Variants in EIF2B3 observed in about 807,000 individuals in gnomAD.
EIF2B3 encodes translation initiation factor eIF2B subunit gamma.
In EIF2B3, 20 loss-of-function variants were observed where a neutral mutation model predicts 54.1. The observed-to-expected ratio is 0.37, with a 90% CI of 0.26 to 0.54. The LOEUF (loss-of-function observed/expected upper bound fraction) is 0.54. Among genes scored for constraint, EIF2B3 ranks in the 20% least tolerant of loss-of-function variants. The pLI, the probability that EIF2B3 is intolerant of heterozygous loss-of-function variation, is 0.86. For synonymous variants in EIF2B3, 153 were observed against 188.1 expected, an observed-to-expected ratio of 0.81 and a Z score of 1.52; for missense variants, 448 against 547.8, an observed-to-expected ratio of 0.82 and a Z score of 1.82.
chr1:44,909,459 A>G (rs1296301770), intron 5 of EIF2B3, among the ~76,000 whole-genome samples: 3 of 152,178 alleles, frequency 2.0e-5, no homozygotes, highest in Non-Finnish European at 4.4e-5. Flanking sequence ...ATCCTAAACC[A>G]TCTATAAGGA....
At chr1:44,852,897 G>A (rs1279856269) in intron 11 of EIF2B3, among the ~76,000 whole-genome samples, 4 of 152,086 alleles carry the variant, frequency 2.6e-5, no homozygotes, top group Non-Finnish European at 5.9e-5. Context: ...AGAGGTTTTG[G>A]GTAATGACTA....
At chr1:44,868,893 T>C (rs764713077) in intron 10 of EIF2B3, among the ~76,000 whole-genome samples, 6 of 152,144 alleles carry the variant, frequency 3.9e-5, no homozygotes, top group Admixed American at 6.6e-5. Flanking sequence ...AATGCTACAT[T>C]TATTCATCTA....
chr1:44,942,405 A>G (rs1422994825), intron 3 of EIF2B3, among the ~76,000 whole-genome samples: 5 of 18,244 alleles, frequency 2.7e-4, no homozygotes, highest in African/African-American at 2.0e-3. Context: ...ATATATATAT[A>G]TATATATATA....
chr1:44,884,859 C>G (rs1477034869), intron 6 of EIF2B3, among the ~76,000 whole-genome samples: 6 of 152,192 alleles, frequency 3.9e-5, no homozygotes, highest in Non-Finnish European at 7.3e-5. Flanking sequence ...GCAGAACCTT[C>G]GAGAGGATCC....
intron 3 of EIF2B3, among the ~76,000 whole-genome samples, chr1:44,977,437 T>C (rs1310132143): frequency 6.6e-6 from 1 of 152,130 alleles, no homozygotes; most frequent in Non-Finnish European, 1.5e-5. Context: ...TTCATATGAA[T>C]GGAATCTTTT....
chr1:44,980,875 T>C (rs1644504439), intron 2 of EIF2B3, 146 bp downstream of exon 2: 3 of 948,804 alleles, frequency 3.2e-6, no homozygotes, highest in Non-Finnish European at 5.0e-6. Flanking sequence ...CACACAGCAA[T>C]AGAGTACTCC....
At chr1:44,888,440 A>G (rs1236545762) in intron 6 of EIF2B3, among the ~76,000 whole-genome samples, 1 of 151,748 alleles carries the variant, frequency 6.6e-6, no homozygotes, top group Admixed American at 6.6e-5. Context: ...AAAGGGGTAA[A>G]AATTTCTTGC....
At chr1:44,911,953 G>A (rs1476298145) in intron 5 of EIF2B3, among the ~76,000 whole-genome samples, 2 of 149,032 alleles carry the variant, frequency 1.3e-5, no homozygotes, top group Admixed American at 1.4e-4. Flanking sequence ...GAGAACATGC[G>A]GTGTTTGGTT....
Position 44,984,797 on chromosome 1 carries a change from C to CT in EIF2B3, c.-10+1695dup, listed in dbSNP as rs71040529. ...GTAAAGCAGACAAAATAATGTCCATCTTTTTTTTTTTTTTTTTTTTGAGAC... is the reference window on the plus strand; with the variant it reads ...GTAAAGCAGACAAAATAATGTCCATCTTTTTTTTTTTTTTTTTTTTTGAGAC... On this transcript the variant is annotated intron_variant, in intron 1 of 11. Transcript: ENST00000360403. Among the ~76,000 whole-genome samples the CT allele has an allele frequency of 4.2e-3, 370 of 88,514 alleles. 37 individuals carry two copies. Among genetic ancestry groups the CT allele is most frequent in the Middle Eastern group, 0.016 (3 of 184 alleles). 58.1% of individuals were successfully genotyped at this position (88,514 alleles called of 152,430 possible).
intron 5 of EIF2B3, among the ~76,000 whole-genome samples, chr1:44,911,548 G>A (rs1643515440): frequency 6.6e-6 from 1 of 152,168 alleles, no homozygotes; most frequent in African/African-American, 2.4e-5. Flanking sequence ...ATTGTCAAAT[G>A]TAATTACAAT....
chr1:44,869,295 T>G (rs1177290273), intron 10 of EIF2B3, among the ~76,000 whole-genome samples: 2 of 151,922 alleles, frequency 1.3e-5, no homozygotes, highest in Non-Finnish European at 2.9e-5. Context: ...CTGGCCAACA[T>G]GGTGAAACCC....
intron 2 of EIF2B3, among the ~76,000 whole-genome samples, chr1:44,979,458 G>A (rs1188024713): frequency 4.2e-5 from 5 of 117,900 alleles, no homozygotes; most frequent in African/African-American, 9.6e-5. Context: ...GTAACGTGGC[G>A]AAACCCTGTC....
Position 44,978,465 on chromosome 1 carries a change from A to G in EIF2B3, c.149-5T>C. ...TGGTTGTAACCACAATGACTTCTAT[A>G]GGACAAAAGAAAAAAAGAAAGAAAA... On this transcript the variant is annotated splice_polypyrimidine_tract_variant and splice_region_variant and intron_variant, in intron 2 of 11. Transcript: ENST00000360403. The G allele has an allele frequency of 6.2e-7, 1 of 1,612,042 alleles. No individual in the cohort carries two copies. Among genetic ancestry groups the G allele is most frequent in the South Asian group, 1.1e-5 (1 of 90,900 alleles).
At chr1:44,964,821 C>T (rs933433246) in intron 3 of EIF2B3, among the ~76,000 whole-genome samples, 3 of 152,064 alleles carry the variant, frequency 2.0e-5, no homozygotes, top group Non-Finnish European at 4.4e-5. Context: ...GCAATGAGAC[C>T]GGCAATATAA....
chr1:44,867,011 T>C (rs1654805861), intron 10 of EIF2B3, among the ~76,000 whole-genome samples: 1 of 152,190 alleles, frequency 6.6e-6, no homozygotes. Context: ...AGGAACCCAG[T>C]GGGCAGGGCA....
chr1:44,971,487 A>G (rs1644399073), intron 3 of EIF2B3, among the ~76,000 whole-genome samples: 2 of 152,102 alleles, frequency 1.3e-5, no homozygotes, highest in African/African-American at 4.8e-5. Flanking sequence ...AACAGTTGCC[A>G]CTATTACTTC....
At chr1:44,903,600 T>C (rs1643356948) in intron 5 of EIF2B3, among the ~76,000 whole-genome samples, 1 of 152,210 alleles carries the variant, frequency 6.6e-6, no homozygotes, top group East Asian at 1.9e-4. Flanking sequence ...AAAGAAGCAG[T>C]TTATAGTAGC....
intron 5 of EIF2B3, among the ~76,000 whole-genome samples, chr1:44,924,214 A>G (rs1186217675): frequency 3.3e-5 from 5 of 152,144 alleles, no homozygotes; most frequent in Non-Finnish European, 7.4e-5. Flanking sequence ...TGCTGGGATT[A>G]CAGGCGTGAG....
chr1:44,881,536 G>T lies in EIF2B3; in HGVS notation c.784+76C>A. The T allele has an allele frequency of 6.3e-7, 1 of 1,588,324 alleles. No homozygotes were observed. The highest frequency in any genetic ancestry group is 8.6e-7 in the Non-Finnish European group (1 of 1,161,572). On this transcript the variant is annotated intron_variant, in intron 7 of 11. Transcript: ENST00000360403. The surrounding 1 kb of genome is among the most constrained non-coding windows in gnomAD (Gnocchi z 4.0). ...GCCTTGAGTCAGGCATCTTGGGCTGGGCTAAGCTGCCCAACCACTCTTTCC... is the reference window on the plus strand; with the variant it reads ...GCCTTGAGTCAGGCATCTTGGGCTGTGCTAAGCTGCCCAACCACTCTTTCC...
Sources: gnomAD v4.1 joint callset for allele counts (sites outside exome capture counted in the v4.1 genomes callset) on GRCh38, gnomAD v4.1.1 for gene constraint, Gnocchi (gnomAD v3.1) non-coding constraint, MANE v1.5 for transcripts, NCBI Gene and HGNC (gene_info 2026-07-23, HGNC 2026-07-21) for gene names.